GRIPAP1: variants seen among roughly 807,000 people sequenced by gnomAD.
The protein encoded by GRIPAP1 is GRIP1 associated protein 1, also known as GRIP1-associated protein 1.
Under a neutral mutation model 84.1 loss-of-function variants are expected in GRIPAP1, and 14 were observed. The observed-to-expected ratio is 0.17, with a 90% CI of 0.11 to 0.26. GRIPAP1 has a LOEUF of 0.26. Ranked by LOEUF, GRIPAP1 falls within the 10% of genes least tolerant of loss-of-function variation. The pLI, the probability that GRIPAP1 is intolerant of heterozygous loss-of-function variation, is 1.00. For synonymous variants in GRIPAP1, 261 were observed against 256.8 expected (o/e 1.02, Z -0.15); for missense variants, 518 against 674.2 (o/e 0.77, Z 2.57).
rs1225489877 is a variant in GRIPAP1 at position 48,988,180 on chromosome X, C to G, written c.889G>C (p.Asp297His). The change falls in exon 12 of 26, where the codon GAT (aspartate) becomes CAT (histidine). Residue 297 changes from aspartate (D) to histidine (H), a missense_variant. Coordinates refer to ENST00000376423, the MANE Select transcript of GRIPAP1 (RefSeq NM_020137.5). Reference protein sequence around the residue: ...AANQSLAELRDQRQGERLEHA... With the variant: ...AANQSLAELRHQRQGERLEHA... ...TCCAGGCGCTCCCCCTGCCGCTGAT[C>G]TCTCAGCTCTGCCAAGCTCTGTGGA... 8.4e-7 allele frequency: 1 copy of G among 1,193,569 alleles called. No homozygotes were observed. Among genetic ancestry groups the G allele is most frequent in the Non-Finnish European group, 1.1e-6 (1 of 886,795 alleles).
intron 5 of GRIPAP1, among the ~76,000 whole-genome samples, chrX:48,995,420 A>G (rs2064542071): frequency 9.0e-6 from 1 of 111,220 alleles, no homozygotes; most frequent in South Asian, 3.8e-4. Context: ...GGACTGGGGC[A>G]CTGGAATGTA....
Position 48,990,008 on chromosome X carries a change from GGA to G in GRIPAP1, c.691-7_691-6del. 1 of 1,178,200 alleles carries G rather than the reference GGA, an allele frequency of 8.5e-7. No homozygotes were observed. The highest frequency in any genetic ancestry group is 1.8e-5 in the South Asian group (1 of 54,915). ...CTTTTTCAGTTTCTCGGAGAGCTGG[GGA>G]GAGAGGTACAGACAAGTGATAACAT... On this transcript the variant is annotated splice_polypyrimidine_tract_variant and splice_region_variant and intron_variant, in intron 8 of 25. Coordinates refer to ENST00000376423, the MANE Select transcript of GRIPAP1 (RefSeq NM_020137.5).
chrX:48,981,335 A>G (rs1170850777), intron 20 of GRIPAP1, 21 bp from the exon 21 acceptor site: 2 of 1,200,093 alleles, frequency 1.7e-6, no homozygotes, highest in African/African-American at 3.5e-5. Flanking sequence ...CAGGGGTAAC[A>G]TGAGGACTGA....
rs1557062149 is a variant in GRIPAP1 at position 48,981,489 on chromosome X, G to A, written c.1774-17C>T. 8.3e-7 allele frequency: 1 copy of A among 1,205,813 alleles called. No homozygotes were observed. The highest frequency in any genetic ancestry group is 3.0e-5 in the East Asian group (1 of 33,712). ...CTTCACCTCCTGTGGGAGAAAGCAG[G>A]CATGGCTGGTAGATGCCGGAAGGGC... is the stretch of plus-strand genomic sequence containing the variant. On this transcript the variant is annotated splice_polypyrimidine_tract_variant and intron_variant, in intron 19 of 25. Transcript: ENST00000376423.
intron 1 of GRIPAP1, among the ~76,000 whole-genome samples, chrX:48,999,841 C>T (rs918481452): frequency 8.1e-5 from 9 of 111,162 alleles, no homozygotes; most frequent in Non-Finnish European, 1.5e-4. Context: ...AAAGTTCCTC[C>T]TCCTCATCCT....
intron 1 of GRIPAP1, among the ~76,000 whole-genome samples, chrX:49,001,388 G>C (rs1414971490): frequency 9.6e-5 from 9 of 93,749 alleles, no homozygotes; most frequent in African/African-American, 3.8e-4. Flanking sequence ...CTCTCAACAA[G>C]GGCCCATTCA....
chrX:48,987,009 C>T (rs1330465772), intron 13 of GRIPAP1, among the ~76,000 whole-genome samples: 2 of 104,510 alleles, frequency 1.9e-5, no homozygotes, highest in Non-Finnish European at 3.9e-5. Flanking sequence ...CCACCACACC[C>T]AGCTAATTTT....
At chrX:48,993,120 G>A (rs1557065969) in intron 6 of GRIPAP1, among the ~76,000 whole-genome samples, 1 of 112,610 alleles carries the variant, frequency 8.9e-6, no homozygotes, top group Non-Finnish European at 1.9e-5. Context: ...GCGCCCGGCC[G>A]CAAATATCTC....
intron 21 of GRIPAP1, chrX:48,980,624 C>T (rs1557061805): frequency 8.9e-6 from 1 of 112,128 alleles, no homozygotes; most frequent in African/African-American, 3.3e-5. Context: ...TGGCTCATGC[C>T]TATAATCCCA....
chrX:48,987,349 G>A (rs1005801226), intron 13 of GRIPAP1, among the ~76,000 whole-genome samples: 27 of 103,938 alleles, frequency 2.6e-4, no homozygotes, highest in Non-Finnish European at 5.1e-4. Context: ...GGGTTTCACC[G>A]TGTTGCCCAG....
At chrX:48,984,334 C>A (rs1445294439) in intron 14 of GRIPAP1, among the ~76,000 whole-genome samples, 2 of 111,220 alleles carry the variant, frequency 1.8e-5, no homozygotes, top group Non-Finnish European at 3.8e-5. Context: ...GGAGAAAGAA[C>A]CTGGGTCACA....
At chrX:48,984,178 A>T (rs782618980) in intron 14 of GRIPAP1, among the ~76,000 whole-genome samples, 1 of 110,709 alleles carries the variant, frequency 9.0e-6, no homozygotes, top group Non-Finnish European at 1.9e-5. Context: ...AATTTAGGTT[A>T]TGCTCTTAAA....
chrX:48,982,842 T>C, intron 17 of GRIPAP1, 137 bp downstream of exon 17: 1 of 478,077 alleles, frequency 2.1e-6, no homozygotes, highest in Non-Finnish European at 3.7e-6. Context: ...AGGGCTGCTA[T>C]TGAGCCAGGG....
intron 4 of GRIPAP1, 124 bp from the exon 5 acceptor site, chrX:48,997,481 GTGATATAGGAGAAAGAGA>G (rs2064553814): frequency 8.4e-6 from 4 of 478,050 alleles, no homozygotes; most frequent in Non-Finnish European, 1.5e-5. Context: ...AGAGAATGAG[GTGATATAGGAGAAAGAGA>G]CATGGGGAGG....
At chrX:48,978,809 G>A (rs782299901) in intron 21 of GRIPAP1, among the ~76,000 whole-genome samples, 2 of 108,064 alleles carry the variant, frequency 1.9e-5, no homozygotes, top group Non-Finnish European at 3.8e-5. Flanking sequence ...CAGGAGAATC[G>A]CTTGAACCCA....
At chrX:48,975,838 GAA>G (rs1390007641) in intron 24 of GRIPAP1, 178 bp downstream of exon 24, 45 of 440,956 alleles carry the variant, frequency 1.0e-4, no homozygotes, top group Admixed American at 4.1e-4. Flanking sequence ...GAGAAAGAGA[GAA>G]GAGGGAGGAG....
At chrX:48,983,585 G>T in intron 15 of GRIPAP1, 145 bp from the exon 16 acceptor site, 1 of 547,756 alleles carries the variant, frequency 1.8e-6, no homozygotes, top group Non-Finnish European at 3.1e-6. Flanking sequence ...CATCCTTATA[G>T]AACTGGTCAC....
chrX:48,977,326 T>TTTTA (rs1390045292), intron 22 of GRIPAP1: 4 of 110,840 alleles, frequency 3.6e-5, no homozygotes, highest in Non-Finnish European at 7.6e-5. Flanking sequence ...TAAGAATTTA[T>TTTTA]TTTATTTATT....
At chrX:48,983,661 A>G (rs938679966) in intron 15 of GRIPAP1, 114 bp downstream of exon 15, 19 of 584,912 alleles carry the variant, frequency 3.2e-5, no homozygotes, top group African/African-American at 2.3e-4. Flanking sequence ...AAACCAGTCA[A>G]TTTTCCTTTC....
Sources: gnomAD v4.1 joint callset for allele counts (sites outside exome capture counted in the v4.1 genomes callset) on GRCh38, gnomAD v4.1.1 for gene constraint, MANE v1.5 for transcripts, NCBI Gene and HGNC (gene_info 2026-07-23, HGNC 2026-07-21) for gene names.